The following KIF26B variants were observed in gnomAD, a reference collection of about 807,000 sequenced individuals.
KIF26B encodes kinesin family member 26B, also known as kinesin-like protein KIF26B.
KIF26B carries 63 observed loss-of-function variants against 151.2 expected under a neutral mutation model. The observed-to-expected ratio is 0.42, with a 90% confidence interval of 0.34 to 0.51. The LOEUF (loss-of-function observed/expected upper bound fraction) is 0.51. KIF26B is among the 20% of genes least tolerant of loss of function. KIF26B has a pLI of 0.07. For missense variants in KIF26B, 2,813 were observed against 2,913.6 expected (o/e 0.97, Z 0.79); for synonymous variants, 1,357 against 1,262.1 (o/e 1.08, Z -1.59).
At chr1:245,441,867 G>A (rs926393576) in intron 4 of KIF26B, among the ~76,000 whole-genome samples, 2 of 152,122 alleles carry the variant, frequency 1.3e-5, no homozygotes, top group South Asian at 2.1e-4. Context: ...CTTCTCATGC[G>A]GTTATGATAG....
chr1:245,373,651 T>C (rs1218839163), intron 3 of KIF26B, among the ~76,000 whole-genome samples: 3 of 152,182 alleles, frequency 2.0e-5, no homozygotes, highest in Non-Finnish European at 2.9e-5. Flanking sequence ...TTGGAATGAA[T>C]GTGAGAGGTA....
chr1:245,623,700 A>G (rs2043689516), intron 9 of KIF26B, among the ~76,000 whole-genome samples: 1 of 152,192 alleles, frequency 6.6e-6, no homozygotes, highest in South Asian at 2.1e-4. Flanking sequence ...TATCAAAAAT[A>G]TTGTCTAAGA....
rs191799008 is a variant in KIF26B, at chr1:245,220,371, G to A, written c.465+63688G>A. On this transcript the variant is annotated intron_variant, in intron 2 of 14. Transcript: ENST00000407071. ...ACTGACTCCACTTTTCACCAGTGTC[G>A]GAACTGAGACTTGGAGAGGTTCAGT... Among the ~76,000 whole-genome samples, 766 of 152,084 alleles carry A rather than the reference G, an allele frequency of 5.0e-3. 4 individuals are homozygous for A. Among genetic ancestry groups the A allele is most frequent in the African/African-American group, 0.018 (728 of 41,500 alleles).
chr1:245,367,198 C>A lies in KIF26B; in HGVS notation c.830C>A (p.Ala277Glu). ...KPSSLGVSNG[A>E]EKKSGSPTHQ... ...AGCAGCCTTGGGGTCAGCAATGGGG[C>A]GGAAAAGAAGAGCGGGTCCCCAACC... The change falls in exon 3 of 15, where the codon GCG (alanine) becomes GAG (glutamate). Residue 277 changes from alanine to glutamate, a missense_variant. Ala to Glu is a moderately radical substitution (Grantham distance 107, BLOSUM62 -1). Around this residue, in one of 3 missense-constraint regions of KIF26B, gnomAD observed 676 missense variants for 688.1 expected, o/e 0.98. Transcript: ENST00000407071. This position sits in a 1 kb window ranked among gnomAD's most constrained non-coding sequence, Gnocchi z 4.2. 1.2e-6 allele frequency: 2 copies of A among 1,608,906 alleles called. No individual in the cohort carries two copies.
At chr1:245,494,537 G>A (rs12742844) in intron 4 of KIF26B, among the ~76,000 whole-genome samples, 5,030 of 152,160 alleles carry the variant, frequency 0.033, 131 homozygotes, top group Non-Finnish European at 0.05. Context: ...GAAGAAAGAT[G>A]GGAGTCTCTA....
At chr1:245,541,673 T>C (rs754817189) in intron 5 of KIF26B, among the ~76,000 whole-genome samples, 2 of 152,214 alleles carry the variant, frequency 1.3e-5, no homozygotes, top group Non-Finnish European at 2.9e-5. Context: ...TTTTTATTTT[T>C]ATCAAAAGTA....
Position 245,660,262 on chromosome 1 carries a change from G to T in KIF26B, c.2258+13982G>T, listed in dbSNP as rs948157682. 3.6e-4 allele frequency among the ~76,000 whole-genome samples: 6 copies of T among 16,656 alleles called. 1 individual carries two copies. The highest frequency in any genetic ancestry group is 2.3e-3 in the African/African-American group (6 of 2,622). 10.9% of individuals were successfully genotyped at this position (16,656 alleles called of 152,430 possible). On this transcript the variant is annotated intron_variant, in intron 10 of 14. Transcript: ENST00000407071. ...CATTTATCACATGGATTTGGCGCTG[G>T]TGTCGTGAGGATCTAAGTACAGGGA...
chr1:245,250,794 G>T (rs924496077), intron 2 of KIF26B, among the ~76,000 whole-genome samples: 1 of 152,056 alleles, frequency 6.6e-6, no homozygotes, highest in Middle Eastern at 3.2e-3. Context: ...GTCCATTATT[G>T]TAATTGAATT....
At position 245,383,952 on chromosome 1, in the gene KIF26B, G is replaced by C. The variant is rs1221872087; in HGVS notation, c.999+16585G>C. On this transcript the variant is annotated intron_variant, in intron 3 of 14. Coordinates refer to ENST00000407071, the MANE Select transcript of KIF26B (RefSeq NM_018012.4). ...GGAACGTGTATCAGCTGTTGAAATG[G>C]CCTTTCCTTTGGGAAAACTGTGCAG... is the stretch of plus-strand genomic sequence containing the variant. 2.0e-5 allele frequency among the ~76,000 whole-genome samples: 3 copies of C among 152,162 alleles called. No homozygotes were observed. In the East Asian group the frequency reaches 5.8e-4, roughly 29 times the overall value.
At chr1:245,344,158 T>C (rs1355810016) in intron 2 of KIF26B, among the ~76,000 whole-genome samples, 1 of 150,424 alleles carries the variant, frequency 6.6e-6, no homozygotes, top group East Asian at 2.0e-4. Flanking sequence ...CTGTCTCTCC[T>C]TCCCCCTCCC....
Position 245,686,128 on chromosome 1 carries a change from A to C in KIF26B, c.3145A>C (p.Ser1049Arg). 1.2e-6 allele frequency: 2 copies of C among 1,611,644 alleles called. No homozygotes were observed. Among genetic ancestry groups the C allele is most frequent in the Non-Finnish European group, 1.7e-6 (2 of 1,179,454 alleles). The change falls in exon 12 of 15, where the codon AGC (serine) becomes CGC (arginine). Residue 1049 changes from serine to arginine, a missense_variant. Ser to Arg is a moderately radical substitution (Grantham distance 110). Transcript: ENST00000407071. This position sits in a 1 kb window ranked among gnomAD's most constrained non-coding sequence, Gnocchi z 5.6. ...QSPSLQSSRE[S>R]LNSCGFVEGK... ...CCCCAGCCTCCAGAGCAGCCGGGAG[A>C]GCCTCAACTCCTGCGGCTTCGTGGA...
intron 4 of KIF26B, among the ~76,000 whole-genome samples, chr1:245,441,330 AAAC>A (rs750931645): frequency 7.2e-5 from 11 of 152,352 alleles, no homozygotes; most frequent in Admixed American, 6.5e-5. Flanking sequence ...TAAAACAAAC[AAAC>A]AACAACAACA....
intron 4 of KIF26B, among the ~76,000 whole-genome samples, chr1:245,472,386 A>G (rs996051881): frequency 6.6e-6 from 1 of 152,208 alleles, no homozygotes; most frequent in African/African-American, 2.4e-5. Context: ...AATATCTGAA[A>G]TATCCCTTAT....
rs780203637 is a variant in KIF26B at position 245,685,681 on chromosome 1, C to T, written c.2698C>T (p.Arg900Trp). Residue 900 changes from arginine (R) to tryptophan (W), a missense_variant, in exon 12 of 15, where the codon CGG becomes TGG. Transcript: ENST00000407071. ...VPIVPALQKT[R>W]GDSRPAEAGE... ...TATCGTGCCAGCCCTGCAGAAGACCCGGGGCGACAGCCGGCCCGCAGAGGC... is the reference window on the plus strand; with the variant it reads ...TATCGTGCCAGCCCTGCAGAAGACCTGGGGCGACAGCCGGCCCGCAGAGGC... 12 of 1,612,850 alleles carry T rather than the reference C, an allele frequency of 7.4e-6. No individual in the cohort carries two copies. Among genetic ancestry groups the T allele is most frequent in the Middle Eastern group, 1.7e-4 (1 of 6,060 alleles).
chr1:245,201,903 G>A lies in KIF26B; in HGVS notation c.465+45220G>A, dbSNP rs966338737. Among the ~76,000 whole-genome samples the A allele has an allele frequency of 3.3e-5, 5 of 152,168 alleles. No individual in the cohort carries two copies. In the East Asian group the frequency reaches 5.8e-4, roughly 18 times the overall value. ...AGGCAGCTTGACTTCATGCTCCAGGGAGAAGTCTTTTATTTCCTGTTGGGG... is the reference window on the plus strand; with the variant it reads ...AGGCAGCTTGACTTCATGCTCCAGGAAGAAGTCTTTTATTTCCTGTTGGGG... On this transcript the variant is annotated intron_variant, in intron 2 of 14. Coordinates refer to ENST00000407071, the MANE Select transcript of KIF26B (RefSeq NM_018012.4).
intron 4 of KIF26B, among the ~76,000 whole-genome samples, chr1:245,533,477 C>G (rs1250385371): frequency 6.6e-6 from 1 of 152,122 alleles, no homozygotes; most frequent in Admixed American, 6.5e-5. Flanking sequence ...ACCCCTCAGA[C>G]AAGATGAAAT....
intron 2 of KIF26B, among the ~76,000 whole-genome samples, chr1:245,228,189 C>T (rs1437379779): frequency 6.6e-6 from 1 of 152,184 alleles, no homozygotes; most frequent in Non-Finnish European, 1.5e-5. Flanking sequence ...CCCTATTGTT[C>T]CAGCACCTCC....
chr1:245,659,249 A>G lies in KIF26B; in HGVS notation c.2258+12969A>G, dbSNP rs1010347030. ...CAAGACCCTGTCTCAAAAAAATAAT[A>G]ATGATGGAATCTTGTTCTTCAGCTT... On this transcript the variant is annotated intron_variant, in intron 10 of 14. Coordinates refer to ENST00000407071, the MANE Select transcript of KIF26B (RefSeq NM_018012.4). 1.4e-4 allele frequency among the ~76,000 whole-genome samples: 21 copies of G among 152,062 alleles called. 1 individual carries two copies. Among genetic ancestry groups the G allele is most frequent in the Non-Finnish European group, 2.1e-4 (14 of 68,010 alleles).
chr1:245,634,744 C>T (rs1363398171), intron 9 of KIF26B, among the ~76,000 whole-genome samples: 1 of 152,072 alleles, frequency 6.6e-6, no homozygotes, highest in Non-Finnish European at 1.5e-5. Flanking sequence ...GGGTCTCACT[C>T]TGTCACCCAG....
Sources: allele counts gnomAD v4.1 joint callset (sites outside exome capture counted in the v4.1 genomes callset), GRCh38; gene constraint gnomAD v4.1.1; regional missense constraint gnomAD v4.1.1; non-coding constraint Gnocchi (gnomAD v3.1); transcripts MANE v1.5; gene names NCBI Gene and HGNC (gene_info 2026-07-23, HGNC 2026-07-21).